Variants in PRRC2B observed in about 807,000 individuals in gnomAD.
The protein encoded by PRRC2B is proline rich coiled-coil 2B.
A neutral mutation model predicts 242.3 loss-of-function variants in PRRC2B; 68 were observed. That is an observed-to-expected ratio of 0.28 (90% confidence interval 0.23 to 0.34). The LOEUF (loss-of-function observed/expected upper bound fraction) is 0.34, where lower values mean the gene tolerates loss of function less well. Among genes scored for constraint, PRRC2B ranks in the 10% least tolerant of loss-of-function variants. The pLI, the probability that PRRC2B is intolerant of heterozygous loss-of-function variation, is 1.00. For missense variants in PRRC2B, 2,835 were observed against 2,954.8 expected (o/e 0.96, Z 0.94); for synonymous variants, 1,228 against 1,173.6 (o/e 1.05, Z -0.95).
chr9:131,442,126 TTTTG>T (rs541690634), intron 5 of PRRC2B, among the ~76,000 whole-genome samples: 13 of 152,152 alleles, frequency 8.5e-5, no homozygotes, highest in Middle Eastern at 3.4e-3. Context: ...CTACCTTTTT[TTTTG>T]TTTGTTTGTT....
chr9:131,467,053 G>A (rs924803569), intron 12 of PRRC2B, among the ~76,000 whole-genome samples: 2 of 151,380 alleles, frequency 1.3e-5, no homozygotes, highest in African/African-American at 4.9e-5. Context: ...CATCCGCCTC[G>A]GCCTCCCAAA....
In PRRC2B at chr9:131,479,463, G is replaced by T. The variant is rs545349462; in HGVS notation, c.4900+70G>T. 125 of 1,481,936 alleles carry T rather than the reference G, an allele frequency of 8.4e-5. 2 individuals are homozygous for T. In the South Asian group the frequency reaches 1.5e-3, roughly 18 times the overall value. 91.8% of individuals were successfully genotyped at this position (1,481,936 alleles called of 1,614,324 possible). A position where few individuals can be genotyped will look rare whatever the true frequency, so the allele number is the denominator to read the frequency against. ...ATCACACACTGGGTTTGCTTCTGGGGAGGATCCTGCTTTTGAGCTACGAAT... is the reference window on the plus strand; with the variant it reads ...ATCACACACTGGGTTTGCTTCTGGGTAGGATCCTGCTTTTGAGCTACGAAT... On this transcript the variant is annotated intron_variant, in intron 19 of 31. Transcript: ENST00000683519.
chr9:131,483,515 G>A (rs1165881804), intron 23 of PRRC2B, 70 bp downstream of exon 23: 5 of 1,363,678 alleles, frequency 3.7e-6, no homozygotes, highest in Non-Finnish European at 5.2e-6. Context: ...GAAGGAGACA[G>A]CACATGTATT....
rs192862126 is a variant in PRRC2B, at chr9:131,468,918, T to C, written c.1911+1165T>C. On this transcript the variant is annotated intron_variant, in intron 13 of 31. Transcript: ENST00000683519. ...TAGGCGAGCACTGCACAGTTACTCATGTTCTTGGGGTATAGAATTACTGAT... is the reference window on the plus strand; with the variant it reads ...TAGGCGAGCACTGCACAGTTACTCACGTTCTTGGGGTATAGAATTACTGAT... Among the ~76,000 whole-genome samples, 4 of 152,254 alleles carry C rather than the reference T, an allele frequency of 2.6e-5. No individual in the cohort carries two copies. In the East Asian group the frequency reaches 5.8e-4, roughly 22 times the overall value.
chr9:131,390,476 C>T (rs1195281300), upstream of PRRC2B, among the ~76,000 whole-genome samples: 15 of 41,210 alleles, frequency 3.6e-4, no homozygotes, highest in East Asian at 8.9e-4. Flanking sequence ...CCTAGCTTGC[C>T]TTTTTTTTTT....
intron 13 of PRRC2B, among the ~76,000 whole-genome samples, chr9:131,469,194 C>G (rs903296672): frequency 6.6e-6 from 1 of 152,078 alleles, no homozygotes; most frequent in Non-Finnish European, 1.5e-5. Context: ...ATTAGCCAGG[C>G]GTGGTGCCGC....
upstream of PRRC2B, among the ~76,000 whole-genome samples, chr9:131,392,201 C>G (rs939320830): frequency 6.7e-6 from 1 of 148,308 alleles, no homozygotes; most frequent in African/African-American, 2.5e-5. Context: ...CGGGTTTGAG[C>G]AATTCTTCTG....
chr9:131,470,071 A>T (rs1032354225), intron 13 of PRRC2B, among the ~76,000 whole-genome samples: 2 of 152,088 alleles, frequency 1.3e-5, no homozygotes, highest in African/African-American at 4.8e-5. Context: ...TGGAGGGAAG[A>T]GGCGCTTACC....
chr9:131,467,651 C>A lies in PRRC2B; in HGVS notation c.1809C>A (p.Ser603Arg), dbSNP rs758935767. 1.9e-6 allele frequency: 3 copies of A among 1,613,824 alleles called. No homozygotes were observed. The highest frequency in any genetic ancestry group is 1.7e-6 in the Non-Finnish European group (2 of 1,179,886). Residue 603 changes from serine (S) to arginine (R), a missense_variant, in exon 13 of 32, where the codon AGC (serine) becomes AGA (arginine). Coordinates refer to ENST00000683519, the MANE Select transcript of PRRC2B (RefSeq NM_013318.4). ...TVSPAVAQSN[S>R]SEEEAREAGS... Reference sequence around the variant, plus strand: ...CCCCAGCAGTGGCACAGAGCAACAGCAGTGAGGAAGAGGCCAGAGAGGCTG... The same window carrying A: ...CCCCAGCAGTGGCACAGAGCAACAGAAGTGAGGAAGAGGCCAGAGAGGCTG...
intron 30 of PRRC2B, among the ~76,000 whole-genome samples, chr9:131,493,737 G>C (rs546665906): frequency 6.6e-6 from 1 of 152,352 alleles, no homozygotes; most frequent in Non-Finnish European, 1.5e-5. Context: ...AGGGTTCCCT[G>C]GTCAGGTCCT....
chr9:131,396,201 G>A (rs1837050387), intron 1 of PRRC2B, among the ~76,000 whole-genome samples: 1 of 151,958 alleles, frequency 6.6e-6, no homozygotes, highest in African/African-American at 2.4e-5. Flanking sequence ...AAATGTATGT[G>A]TTTGTTGATT....
At chr9:131,461,582 G>A (rs1588265595) in intron 11 of PRRC2B, among the ~76,000 whole-genome samples, 4 of 152,242 alleles carry the variant, frequency 2.6e-5, no homozygotes, top group East Asian at 3.9e-4. Flanking sequence ...TCACTCTGTC[G>A]CCAGGCTGGA....
In PRRC2B at chr9:131,487,166, G is replaced by A; in HGVS notation, c.5857-1G>A. 1 of 1,613,522 alleles carries A rather than the reference G, an allele frequency of 6.2e-7. No individual in the cohort carries two copies. The highest frequency in any genetic ancestry group is 8.5e-7 in the Non-Finnish European group (1 of 1,179,730). On this transcript the variant is annotated splice_acceptor_variant, in intron 26 of 31. Coordinates refer to ENST00000683519, the MANE Select transcript of PRRC2B (RefSeq NM_013318.4). LOFTEE classifies it high-confidence loss of function. The surrounding 1 kb of genome is among the most constrained non-coding windows in gnomAD (Gnocchi z 5.3). ...CCCCGACCCCGTTTTCCCGTTCACA[G>A]GCCGCCGCTGCCCAGCAGATCCCGA...
Position 131,482,968 on chromosome 9 carries a change from G to C in PRRC2B, c.5373+61G>C. The C allele has an allele frequency of 2.6e-6, 4 of 1,534,862 alleles. No homozygotes were observed. The East Asian group carries it at 9.8e-5, about 37-fold the overall frequency. On this transcript the variant is annotated intron_variant, in intron 22 of 31. Transcript: ENST00000683519. This position sits in a 1 kb window ranked among gnomAD's most constrained non-coding sequence, Gnocchi z 5.2. ...TACTTTTTATTTTGGTACTTGGAGAGGCTGGGGGCTCAGATGGGATTGTCT... is the reference window on the plus strand; with the variant it reads ...TACTTTTTATTTTGGTACTTGGAGACGCTGGGGGCTCAGATGGGATTGTCT...
At chr9:131,396,349 A>G (rs1189328453) in intron 1 of PRRC2B, among the ~76,000 whole-genome samples, 1 of 107,960 alleles carries the variant, frequency 9.3e-6, no homozygotes, top group East Asian at 2.5e-4. Context: ...TTTTTTTGAG[A>G]CAGTCTCACT....
At chr9:131,420,496 T>TCTTTCCTTCTTTCTTTC (rs59621148) in intron 1 of PRRC2B, among the ~76,000 whole-genome samples, 1 of 75,898 alleles carries the variant, frequency 1.3e-5, no homozygotes, top group African/African-American at 5.3e-5. Flanking sequence ...TTTCTTTCTT[T>TCTTTCCTTCTTTCTTTC]TTTTTTTTTT....
chr9:131,399,350 T>C (rs1361278458), intron 1 of PRRC2B, among the ~76,000 whole-genome samples: 3 of 140,886 alleles, frequency 2.1e-5, no homozygotes, highest in African/African-American at 8.1e-5. Context: ...GAGGCTGAGG[T>C]GGGCGGATCA....
At chr9:131,375,173 C>T (rs1180691454) in intron 1 of PRRC2B, among the ~76,000 whole-genome samples, 3 of 152,074 alleles carry the variant, frequency 2.0e-5, no homozygotes, top group Non-Finnish European at 1.5e-5. Flanking sequence ...GAGGCCGAAG[C>T]GGGTGGATCA....
At chr9:131,411,602 C>A (rs1477977752) in intron 1 of PRRC2B, among the ~76,000 whole-genome samples, 1 of 152,052 alleles carries the variant, frequency 6.6e-6, no homozygotes, top group African/African-American at 2.4e-5. Context: ...CTCGGCCTTC[C>A]AAAGTGCTGA....
Sources: allele counts gnomAD v4.1 joint callset (sites outside exome capture counted in the v4.1 genomes callset), GRCh38; gene constraint gnomAD v4.1.1; non-coding constraint Gnocchi (gnomAD v3.1); transcripts MANE v1.5; gene names NCBI Gene and HGNC (gene_info 2026-07-23, HGNC 2026-07-21).